CHERP: variants seen among roughly 807,000 people sequenced by gnomAD.
The protein encoded by CHERP is ERPROT 213-21.
CHERP carries 8 observed loss-of-function variants against 113.8 expected under a neutral mutation model. That is an observed-to-expected ratio of 0.07 (90% CI 0.04 to 0.13). The LOEUF is 0.13. CHERP is among the 10% of genes least tolerant of loss of function. The pLI is 1.00. For synonymous variants in CHERP, 559 were observed against 524.5 expected, an observed-to-expected ratio of 1.07 and a Z score of -0.90; for missense variants, 884 against 1,298.2, an observed-to-expected ratio of 0.68 and a Z score of 4.90.
Position 16,520,308 on chromosome 19 carries a change from G to A in CHERP, c.2346-43C>T, listed in dbSNP as rs147442106. On this transcript the variant is annotated intron_variant, in intron 14 of 16. Coordinates refer to ENST00000546361, the MANE Select transcript of CHERP (RefSeq NM_006387.6). This position sits in a 1 kb window ranked among gnomAD's most constrained non-coding sequence, Gnocchi z 4.0. ...CAAGGGTCAGCAGCAGCCAGGCGTCGTGGGGAGGCCACAGGAAGAGGCCTC... is the reference window on the plus strand; with the variant it reads ...CAAGGGTCAGCAGCAGCCAGGCGTCATGGGGAGGCCACAGGAAGAGGCCTC... The A allele has an allele frequency of 2.0e-5, 33 of 1,611,276 alleles. No homozygotes were observed. Among genetic ancestry groups the A allele is most frequent in the African/African-American group, 1.5e-4 (11 of 74,962 alleles).
In CHERP at chr19:16,520,199, C is replaced by G; in HGVS notation, c.2412G>C (p.Ser804=). The part of the protein sequence containing the change: ...SRSQSRSRSK[S]YSPGRRRRSR... ...ACCGGCGTCTTCTTCCTGGGGAGTACGACTTGGACCGGGACCGCGACTGGG... is the reference window on the plus strand; with the variant it reads ...ACCGGCGTCTTCTTCCTGGGGAGTAGGACTTGGACCGGGACCGCGACTGGG... The change falls in exon 15 of 17, where the codon TCG becomes TCC. Residue 804 remains serine, a synonymous_variant. Coordinates refer to ENST00000546361, the MANE Select transcript of CHERP (RefSeq NM_006387.6). This position sits in a 1 kb window ranked among gnomAD's most constrained non-coding sequence, Gnocchi z 4.0. The G allele has an allele frequency of 6.2e-7, 1 of 1,613,274 alleles. No homozygotes were observed. Among genetic ancestry groups the G allele is most frequent in the Non-Finnish European group, 8.5e-7 (1 of 1,180,022 alleles).
rs927316621 is a variant in CHERP, at chr19:16,525,021, T to G, written c.1741+221A>C. Among the ~76,000 whole-genome samples the G allele has an allele frequency of 6.6e-6, 1 of 152,212 alleles. No homozygotes were observed. Among genetic ancestry groups the G allele is most frequent in the Non-Finnish European group, 1.5e-5 (1 of 68,040 alleles). On this transcript the variant is annotated intron_variant, in intron 10 of 16. Coordinates refer to ENST00000546361, the MANE Select transcript of CHERP (RefSeq NM_006387.6). This position sits in a 1 kb window ranked among gnomAD's most constrained non-coding sequence, Gnocchi z 6.5. ...GGCAGGAACCTTTTCCTACTGGCTC[T>G]GCCTCATCTGCAGCCAGCCGGGCCT...
Position 16,519,290 on chromosome 19 carries a change from C to T in CHERP, c.2620G>A (p.Gly874Arg), listed in dbSNP as rs1568502936. 6.2e-7 allele frequency: 1 copy of T among 1,613,972 alleles called. No homozygotes were observed. The highest frequency in any genetic ancestry group is 8.5e-7 in the Non-Finnish European group (1 of 1,180,022). The change falls in exon 17 of 17, where the codon GGG (glycine) becomes AGG (arginine). Residue 874 changes from glycine to arginine, a missense_variant. Gly to Arg is a moderately radical substitution (Grantham distance 125, BLOSUM62 -2). Coordinates refer to ENST00000546361, the MANE Select transcript of CHERP (RefSeq NM_006387.6). The surrounding 1 kb of genome is among the most constrained non-coding windows in gnomAD (Gnocchi z 6.0). ...EQGIQDPIKG[G>R]DVRDKWDQYK... ...TGGTCCCACTTATCCCGGACGTCCC[C>T]GCCCTTGATGGGGTCCTGGATCCCT...
intron 2 of CHERP, among the ~76,000 whole-genome samples, chr19:16,536,385 C>T (rs1375866663): frequency 6.6e-6 from 1 of 152,150 alleles, no homozygotes; most frequent in Non-Finnish European, 1.5e-5. Flanking sequence ...GACAAGATGA[C>T]CTGCCTCTCT....
Position 16,519,511 on chromosome 19 carries a change from G to T in CHERP, c.2557+110C>A. 1 of 1,261,078 alleles carries T rather than the reference G, an allele frequency of 7.9e-7. No homozygotes were observed. The highest frequency in any genetic ancestry group is 1.1e-6 in the Non-Finnish European group (1 of 871,614). The allele number at this position is 1,261,078 out of a possible 1,614,324, so 78.1% of individuals were successfully genotyped here. ...GAGGGTCTGGGTGGAGTCAGAACCG[G>T]CCTGACTCCATCCATCCCCACATGC... On this transcript the variant is annotated intron_variant, in intron 16 of 16. Transcript: ENST00000546361. This position sits in a 1 kb window ranked among gnomAD's most constrained non-coding sequence, Gnocchi z 6.0.
At position 16,523,751 on chromosome 19, in the gene CHERP, T is replaced by A. The variant is rs1265033624; in HGVS notation, c.1742-461A>T. The stretch of plus-strand genomic sequence containing the variant: ...CATGTAGAGAGAAGACGGTCACCTA[T>A]GAGCCAAGGAGACAGGCCTCCAAGA... On this transcript the variant is annotated intron_variant, in intron 10 of 16. Coordinates refer to ENST00000546361, the MANE Select transcript of CHERP (RefSeq NM_006387.6). The surrounding 1 kb of genome is among the most constrained non-coding windows in gnomAD (Gnocchi z 4.0). 3.3e-5 allele frequency among the ~76,000 whole-genome samples: 5 copies of A among 151,860 alleles called. No individual in the cohort carries two copies. The highest frequency in any genetic ancestry group is 7.4e-5 in the Non-Finnish European group (5 of 68,002).
At position 16,522,270 on chromosome 19, in the gene CHERP, T is replaced by A. The variant is rs563682029; in HGVS notation, c.1981-616A>T. ...GCCCTGGCCTCCCCAACCCCCCCTTTTTTTTTTTGAGACGGAGTCCTGCTC... is the reference window on the plus strand; with the variant it reads ...GCCCTGGCCTCCCCAACCCCCCCTTATTTTTTTTGAGACGGAGTCCTGCTC... On this transcript the variant is annotated intron_variant, in intron 11 of 16. Transcript: ENST00000546361. 7.9e-5 allele frequency among the ~76,000 whole-genome samples: 12 copies of A among 152,026 alleles called. No homozygotes were observed. In the South Asian group the frequency reaches 1.2e-3, roughly 16 times the overall value.
Position 16,519,005 on chromosome 19 carries a change from G to T in CHERP, c.*154C>A. 1 of 728,338 alleles carries T rather than the reference G, an allele frequency of 1.4e-6. No individual in the cohort carries two copies. The highest frequency in any genetic ancestry group is 2.2e-6 in the Non-Finnish European group (1 of 452,036). The allele number at this position is 728,338 out of a possible 1,614,324, so 45.1% of individuals were successfully genotyped here. On this transcript the variant is annotated 3_prime_UTR_variant, in exon 17 of 17. Transcript: ENST00000546361. This position sits in a 1 kb window ranked among gnomAD's most constrained non-coding sequence, Gnocchi z 6.0. ...CGCCATGGAGCACGGCGTTCCCACT[G>T]GGCATGCGCTGGTCTTCCTTCTCTT... is the stretch of plus-strand genomic sequence containing the variant.
At position 16,519,777 on chromosome 19, in the gene CHERP, G is replaced by A; in HGVS notation, c.2463-62C>T. The A allele has an allele frequency of 7.2e-7, 1 of 1,392,320 alleles. No individual in the cohort carries two copies. Among genetic ancestry groups the A allele is most frequent in the Non-Finnish European group, 1.0e-6 (1 of 978,422 alleles). The allele number at this position is 1,392,320 out of a possible 1,614,324, so 86.2% of individuals were successfully genotyped here. A position where few individuals can be genotyped will look rare whatever the true frequency, so the allele number is the denominator to read the frequency against. On this transcript the variant is annotated intron_variant, in intron 15 of 16. Coordinates refer to ENST00000546361, the MANE Select transcript of CHERP (RefSeq NM_006387.6). This position sits in a 1 kb window ranked among gnomAD's most constrained non-coding sequence, Gnocchi z 6.0. ...CTGAGACATTTATTGGAATGACAGTGATGAGGACCTCACAGCCGCAGCTTG... is the reference window on the plus strand; with the variant it reads ...CTGAGACATTTATTGGAATGACAGTAATGAGGACCTCACAGCCGCAGCTTG...
In CHERP at chr19:16,519,542, G is replaced by C; in HGVS notation, c.2557+79C>G. The C allele has an allele frequency of 7.3e-7, 1 of 1,374,588 alleles. No homozygotes were observed. Among genetic ancestry groups the C allele is most frequent in the Non-Finnish European group, 1.0e-6 (1 of 965,476 alleles). The allele number at this position is 1,374,588 out of a possible 1,614,324, so 85.1% of individuals were successfully genotyped here. A position where few individuals can be genotyped will look rare whatever the true frequency, so the allele number is the denominator to read the frequency against. ...CTCCATCCATCCCCACATGCACTGA[G>C]GAAGAGAAAGCGCTGGTGACTCCCG... On this transcript the variant is annotated intron_variant, in intron 16 of 16. Coordinates refer to ENST00000546361, the MANE Select transcript of CHERP (RefSeq NM_006387.6). The surrounding 1 kb of genome is among the most constrained non-coding windows in gnomAD (Gnocchi z 6.0).
intron 2 of CHERP, among the ~76,000 whole-genome samples, chr19:16,540,793 G>A (rs1464899974): frequency 6.7e-6 from 1 of 149,902 alleles, no homozygotes; most frequent in Non-Finnish European, 1.5e-5. Flanking sequence ...CACCTCCCGG[G>A]TTCAAGCGAT....
rs909332977 is a variant in CHERP at position 16,535,317 on chromosome 19, G to A, written c.384+135C>T. Reference sequence around the variant, plus strand: ...ATCAGGGCTGGGGGTGACAGTGGCTGACATGCACCGAGCCCTGGGTGGCAG... The same window carrying A: ...ATCAGGGCTGGGGGTGACAGTGGCTAACATGCACCGAGCCCTGGGTGGCAG... On this transcript the variant is annotated intron_variant, in intron 3 of 16. Coordinates refer to ENST00000546361, the MANE Select transcript of CHERP (RefSeq NM_006387.6). The surrounding 1 kb of genome is among the most constrained non-coding windows in gnomAD (Gnocchi z 4.3). The A allele has an allele frequency of 5.6e-5, 50 of 890,406 alleles. No individual in the cohort carries two copies. The highest frequency in any genetic ancestry group is 7.5e-5 in the Non-Finnish European group (44 of 583,026). The allele number at this position is 890,406 out of a possible 1,614,324, so 55.2% of individuals were successfully genotyped here.
rs764317147 is a variant in CHERP, at chr19:16,534,216, A to G, written c.385-1068T>C. On this transcript the variant is annotated intron_variant, in intron 3 of 16. Transcript: ENST00000546361. ...CAGACACCTGTCACTGCACCCAGCT[A>G]ATTTTTGTATTTTTTACTAGAGACA... 1.2e-3 allele frequency among the ~76,000 whole-genome samples: 188 copies of G among 152,084 alleles called. 1 individual carries two copies. Among genetic ancestry groups the G allele is most frequent in the Admixed American group, 4.4e-3 (67 of 15,272 alleles).
intron 10 of CHERP, among the ~76,000 whole-genome samples, chr19:16,524,878 C>A (rs2085646161): frequency 6.6e-6 from 1 of 151,946 alleles, no homozygotes; most frequent in East Asian, 1.9e-4. Flanking sequence ...AGGCGCCCGA[C>A]ACCACGCCAA....
chr19:16,526,541 C>T (rs771796217), intron 9 of CHERP, among the ~76,000 whole-genome samples: 6 of 152,074 alleles, frequency 3.9e-5, no homozygotes, highest in South Asian at 2.1e-4. Flanking sequence ...GATCTTGGCT[C>T]ACTGCAACTT....
In CHERP at chr19:16,521,347, T is replaced by A. The variant is rs888939783; in HGVS notation, c.2114+174A>T. ...TGTGTCTCCATTAAAACGCCCTTCA[T>A]TGAGGGCCACGTGTGTGCTGTGCCT... On this transcript the variant is annotated intron_variant, in intron 12 of 16. Transcript: ENST00000546361. 2.1e-5 allele frequency: 13 copies of A among 606,114 alleles called. No individual in the cohort carries two copies. The South Asian group carries it at 3.0e-4, about 14-fold the overall frequency. The allele number at this position is 606,114 out of a possible 1,614,324, so 37.5% of individuals were successfully genotyped here.
intron 3 of CHERP, among the ~76,000 whole-genome samples, chr19:16,533,843 G>T (rs1283232664): frequency 6.6e-6 from 1 of 152,014 alleles, no homozygotes; most frequent in African/African-American, 2.4e-5. Context: ...TGGTGTGAAC[G>T]ACAGGCAATA....
At position 16,525,078 on chromosome 19, in the gene CHERP, C is replaced by T. The variant is rs1469379709; in HGVS notation, c.1741+164G>A. ...GGCGGCAAAACTGAGTCTGTGCCCC[C>T]ACTTCCTGAGAACCCAGGCCGGGCT... On this transcript the variant is annotated intron_variant, in intron 10 of 16. Coordinates refer to ENST00000546361, the MANE Select transcript of CHERP (RefSeq NM_006387.6). The surrounding 1 kb of genome is among the most constrained non-coding windows in gnomAD (Gnocchi z 6.5). Among the ~76,000 whole-genome samples the T allele has an allele frequency of 1.3e-5, 2 of 152,190 alleles. No individual in the cohort carries two copies. The highest frequency in any genetic ancestry group is 1.3e-4 in the Admixed American group (2 of 15,278).
chr19:16,541,558 C>T (rs2085779866), intron 2 of CHERP: 1 of 280,142 alleles, frequency 3.6e-6, no homozygotes, highest in Non-Finnish European at 6.7e-6. Context: ...TCTATCACTT[C>T]CTCCCTAGAA....
Sources: gnomAD v4.1 joint callset for allele counts (sites outside exome capture counted in the v4.1 genomes callset) on GRCh38, gnomAD v4.1.1 for gene constraint, Gnocchi (gnomAD v3.1) non-coding constraint, MANE v1.5 for transcripts, NCBI Gene and HGNC (gene_info 2026-07-23, HGNC 2026-07-21) for gene names.